Variants in PACRG observed in about 807,000 individuals in gnomAD.
The protein encoded by PACRG is parkin coregulated, also known as parkin coregulated gene protein.
PACRG carries 29 observed loss-of-function variants against 29.7 expected under a neutral mutation model. The observed-to-expected ratio is 0.98, with a 90% confidence interval of 0.73 to 1.33. The LOEUF (loss-of-function observed/expected upper bound fraction) is 1.33. Among genes scored for constraint, PACRG ranks in the 40% most tolerant of loss-of-function variants. PACRG has a pLI of 0.00. For synonymous variants in PACRG, 116 were observed against 118.7 expected, an observed-to-expected ratio of 0.98 and a Z score of 0.15; for missense variants, 279 against 316.2, an observed-to-expected ratio of 0.88 and a Z score of 0.89.
intron 2 of PACRG, among the ~76,000 whole-genome samples, chr6:162,935,093 T>C (rs1798137589): frequency 6.6e-6 from 1 of 152,136 alleles, no homozygotes; most frequent in African/African-American, 2.4e-5. Flanking sequence ...ATTGGATGCT[T>C]TTCTCTTGCT....
At chr6:163,028,458 G>A (rs1027220556) in intron 2 of PACRG, among the ~76,000 whole-genome samples, 17 of 152,128 alleles carry the variant, frequency 1.1e-4, no homozygotes, top group Non-Finnish European at 2.9e-5. Flanking sequence ...TTAAGATCAT[G>A]CAGCCCTGTA....
intron 2 of PACRG, among the ~76,000 whole-genome samples, chr6:162,974,462 T>C (rs922465868): frequency 6.6e-6 from 1 of 152,226 alleles, no homozygotes; most frequent in African/African-American, 2.4e-5. Context: ...TATTTCTTTA[T>C]AGTACTTTAA....
intron 4 of PACRG, among the ~76,000 whole-genome samples, chr6:163,157,491 G>A (rs1562942935): frequency 6.6e-6 from 1 of 152,184 alleles, no homozygotes; most frequent in Non-Finnish European, 1.5e-5. Flanking sequence ...CCTGTGAACA[G>A]GAAACTTGTC....
rs377352285 is a variant in PACRG at position 162,747,474 on chromosome 6, C to CTATATATATATATA, written c.156+19089_156+19102dup. Among the ~76,000 whole-genome samples, 302 of 44,764 alleles carry CTATATATATATATA rather than the reference C, an allele frequency of 6.7e-3. 35 individuals are homozygous for CTATATATATATATA. Among genetic ancestry groups the CTATATATATATATA allele is most frequent in the Admixed American group, 0.012 (40 of 3,290 alleles). 29.4% of individuals were successfully genotyped at this position (44,764 alleles called of 152,430 possible). ...TATAACTATAAATATATATGTAAAA[C>CTATATATATATATA]TATATATATATATATATATTCCATT... On this transcript the variant is annotated intron_variant, in intron 1 of 4. Transcript: ENST00000366888.
chr6:163,014,960 C>A (rs1478513595), intron 2 of PACRG, among the ~76,000 whole-genome samples: 1 of 152,116 alleles, frequency 6.6e-6, no homozygotes, highest in Non-Finnish European at 1.5e-5. Flanking sequence ...ACATTTTCTT[C>A]TAGGATTCTT....
intron 1 of PACRG, among the ~76,000 whole-genome samples, chr6:162,741,200 A>G: frequency 6.6e-6 from 1 of 152,186 alleles, no homozygotes. Context: ...TTGTCATATC[A>G]TTCCAAGATG....
intron 4 of PACRG, among the ~76,000 whole-genome samples, chr6:163,154,740 T>C (rs1416289795): frequency 1.3e-5 from 2 of 152,226 alleles, no homozygotes; most frequent in South Asian, 2.1e-4. Flanking sequence ...ACTAAAAATC[T>C]TTTTGTTATT....
chr6:163,069,584 C>A (rs1811855982), intron 3 of PACRG, among the ~76,000 whole-genome samples: 2 of 151,944 alleles, frequency 1.3e-5, no homozygotes, highest in Non-Finnish European at 2.9e-5. Flanking sequence ...AGCTTGAAGA[C>A]AAGCTATTGG....
chr6:163,102,866 G>T (rs975004376), intron 4 of PACRG, among the ~76,000 whole-genome samples: 3 of 137,664 alleles, frequency 2.2e-5, no homozygotes, highest in African/African-American at 7.1e-5. Flanking sequence ...GAAAGCTAGG[G>T]TTTGTTTGTT....
chr6:162,733,490 AT>A (rs1219905524), intron 1 of PACRG, among the ~76,000 whole-genome samples: 11 of 151,996 alleles, frequency 7.2e-5, no homozygotes, highest in African/African-American at 2.7e-4. Context: ...TCTATTTTGA[AT>A]TTTTTTAAGC....
chr6:163,299,226 T>C (rs754233800), intron 4 of PACRG, among the ~76,000 whole-genome samples: 9 of 152,242 alleles, frequency 5.9e-5, no homozygotes, highest in Admixed American at 2.6e-4. Context: ...CTTGGATTTA[T>C]TGCCTTGTTC....
chr6:162,906,484 G>A lies in PACRG; in HGVS notation c.291+92203G>A, dbSNP rs151133395. ...ATGCCAGACCGTATTTCAAACAACC[G>A]TCTAATTTGAGTTAAGTACATTTGG... On this transcript the variant is annotated intron_variant, in intron 2 of 4. Coordinates refer to ENST00000366888, the MANE Select transcript of PACRG (RefSeq NM_001080379.2). Among the ~76,000 whole-genome samples, 153 of 152,240 alleles carry A rather than the reference G, an allele frequency of 1.0e-3. 1 individual carries two copies. The highest frequency in any genetic ancestry group is 3.5e-3 in the African/African-American group (147 of 41,538).
At chr6:163,145,902 G>GCCA (rs1388147985) in intron 4 of PACRG, among the ~76,000 whole-genome samples, 2 of 152,168 alleles carry the variant, frequency 1.3e-5, no homozygotes, top group African/African-American at 2.4e-5. Flanking sequence ...GAGATGAGAG[G>GCCA]CGGTGAGGAG....
At chr6:163,011,753 T>G (rs899209554) in intron 2 of PACRG, among the ~76,000 whole-genome samples, 2 of 152,212 alleles carry the variant, frequency 1.3e-5, no homozygotes, top group East Asian at 3.8e-4. Context: ...TACAAAATAT[T>G]TTTTCTTTAC....
chr6:163,310,691 C>T (rs1173476234), intron 4 of PACRG: 1 of 152,114 alleles, frequency 6.6e-6, no homozygotes, highest in East Asian at 1.9e-4. Flanking sequence ...AACTAAAGAA[C>T]GTAGAAGAAA....
rs1353510992 is a variant in PACRG, at chr6:163,263,587, C to T, written c.614-51240C>T. Among the ~76,000 whole-genome samples the T allele has an allele frequency of 2.6e-5, 4 of 152,324 alleles. No individual in the cohort carries two copies. In the East Asian group the frequency reaches 7.7e-4, roughly 29 times the overall value. The stretch of plus-strand genomic sequence containing the variant: ...AGGCAAAAACTGTGGGAAACTCTCA[C>T]ATTAGGCAGAATTTTTTTCTGACAA... On this transcript the variant is annotated intron_variant, in intron 4 of 4. Coordinates refer to ENST00000366888, the MANE Select transcript of PACRG (RefSeq NM_001080379.2).
At chr6:163,250,482 T>C (rs935733994) in intron 4 of PACRG, among the ~76,000 whole-genome samples, 1 of 152,244 alleles carries the variant, frequency 6.6e-6, no homozygotes, top group Non-Finnish European at 1.5e-5. Context: ...TTGGAAACTT[T>C]GCTGAATTCT....
At position 162,784,804 on chromosome 6, in the gene PACRG, T is replaced by A. The variant is rs1784336865; in HGVS notation, c.157-29343T>A. Among the ~76,000 whole-genome samples, 3 of 152,278 alleles carry A rather than the reference T, an allele frequency of 2.0e-5. No individual in the cohort carries two copies. The South Asian group carries it at 6.2e-4, about 32-fold the overall frequency. On this transcript the variant is annotated intron_variant, in intron 1 of 4. Coordinates refer to ENST00000366888, the MANE Select transcript of PACRG (RefSeq NM_001080379.2). The stretch of plus-strand genomic sequence containing the variant: ...GAGCAATACTTGAAAAGGCTCAGAA[T>A]GATAGTGTATGTTTGCTACTCTTGG...
At chr6:163,295,872 C>A (rs1012375536) in intron 4 of PACRG, among the ~76,000 whole-genome samples, 2 of 151,778 alleles carry the variant, frequency 1.3e-5, no homozygotes, top group Non-Finnish European at 2.9e-5. Context: ...AAGGAGCATA[C>A]ATAAAACTCC....
Sources: gnomAD v4.1 joint callset for allele counts (sites outside exome capture counted in the v4.1 genomes callset) on GRCh38, gnomAD v4.1.1 for gene constraint, MANE v1.5 for transcripts, NCBI Gene and HGNC (gene_info 2026-07-23, HGNC 2026-07-21) for gene names.